The following DAPP1 variants were observed in gnomAD, a reference collection of about 807,000 sequenced individuals.
The protein encoded by DAPP1 is dual adapter for phosphotyrosine and 3-phosphotyrosine and 3-phosphoinositide.
A neutral mutation model predicts 41.5 loss-of-function variants in DAPP1; 20 were observed. The ratio of observed to expected loss-of-function variants is 0.48; its 90% CI spans 0.34 to 0.70. The LOEUF is 0.70. Ranked by LOEUF, DAPP1 falls within the 30% of genes least tolerant of loss-of-function variation. The pLI is 0.01. For synonymous variants in DAPP1, 113 were observed against 116.2 expected (o/e 0.97, Z 0.18); for missense variants, 233 against 333.4 (o/e 0.70, Z 2.35).
chr4:99,836,323 C>T (rs1445587413), intron 2 of DAPP1, among the ~76,000 whole-genome samples: 1 of 152,214 alleles, frequency 6.6e-6, no homozygotes, highest in Non-Finnish European at 1.5e-5. Flanking sequence ...TCCTCCCCAC[C>T]TCACACCCCC....
chr4:99,850,636 C>G (rs1723822349), intron 3 of DAPP1, among the ~76,000 whole-genome samples: 2 of 152,162 alleles, frequency 1.3e-5, no homozygotes, highest in African/African-American at 4.8e-5. Context: ...CCCCTCTCCT[C>G]TTCTGTAAGG....
At chr4:99,852,595 G>A (rs1723902574) in intron 3 of DAPP1, among the ~76,000 whole-genome samples, 1 of 152,262 alleles carries the variant, frequency 6.6e-6, no homozygotes, top group South Asian at 2.1e-4. Flanking sequence ...GCTTGTTCAG[G>A]TCATGTTCAC....
chr4:99,866,471 A>G (rs1275767734), intron 8 of DAPP1: 4 of 748,182 alleles, frequency 5.3e-6, no homozygotes, highest in Non-Finnish European at 9.8e-6. Flanking sequence ...ATACTTCTCT[A>G]GTTGAAAAGC....
intron 3 of DAPP1, among the ~76,000 whole-genome samples, chr4:99,841,716 G>C (rs1309517128): frequency 6.6e-6 from 1 of 152,172 alleles, no homozygotes; most frequent in Non-Finnish European, 1.5e-5. Context: ...GATTTTTAAA[G>C]CCAGGGTTTT....
chr4:99,861,653 A>G, intron 5 of DAPP1, 28 bp downstream of exon 5: 2 of 1,560,740 alleles, frequency 1.3e-6, no homozygotes, highest in Non-Finnish European at 8.7e-7. Flanking sequence ...TGCTCATGCC[A>G]GCCACAGAAA....
intron 3 of DAPP1, among the ~76,000 whole-genome samples, chr4:99,846,966 C>T (rs1001133350): frequency 6.6e-6 from 1 of 152,204 alleles, no homozygotes; most frequent in Non-Finnish European, 1.5e-5. Flanking sequence ...AAGAAATCTA[C>T]TTCTCATTGG....
At chr4:99,858,783 G>A (rs527357466) in intron 4 of DAPP1, among the ~76,000 whole-genome samples, 63 of 152,038 alleles carry the variant, frequency 4.1e-4, no homozygotes, top group Non-Finnish European at 6.0e-4. Flanking sequence ...ATATCAAATG[G>A]TTATAATCAT....
intron 3 of DAPP1, 125 bp from the exon 4 acceptor site, chr4:99,853,093 A>G: frequency 9.4e-7 from 1 of 1,060,018 alleles, no homozygotes; most frequent in Non-Finnish European, 1.3e-6. Context: ...AACTGTTGAG[A>G]TAATGAGCGA....
At chr4:99,870,456 A>T (rs939245597), downstream of DAPP1, among the ~76,000 whole-genome samples, 2 of 152,268 alleles carry the variant, frequency 1.3e-5, no homozygotes, top group Non-Finnish European at 2.9e-5. Context: ...AGGGGATACA[A>T]CAATTTGTTG....
intron 4 of DAPP1, among the ~76,000 whole-genome samples, chr4:99,858,890 A>G (rs959924709): frequency 6.0e-5 from 9 of 150,714 alleles, no homozygotes; most frequent in Non-Finnish European, 1.2e-4. Context: ...TATGACCTCA[A>G]AAAAAATTTT....
intron 1 of DAPP1, among the ~76,000 whole-genome samples, chr4:99,827,896 A>T (rs150683866): frequency 6.3e-4 from 96 of 152,348 alleles, no homozygotes; most frequent in Non-Finnish European, 9.7e-4. Context: ...AAGAAGGTGC[A>T]TTCTAAATGC....
intron 1 of DAPP1, among the ~76,000 whole-genome samples, chr4:99,821,300 G>C (rs1030162908): frequency 6.6e-6 from 1 of 152,170 alleles, no homozygotes; most frequent in Non-Finnish European, 1.5e-5. Context: ...TTTCATAGAC[G>C]CAAAAGGTGA....
chr4:99,866,771 T>C (rs1578195359), intron 8 of DAPP1, among the ~76,000 whole-genome samples: 2 of 146,080 alleles, frequency 1.4e-5, no homozygotes, highest in African/African-American at 5.1e-5. Context: ...TTTCTATTTT[T>C]TTTTTTTTTT....
chr4:99,817,792 G>C (rs1425563917), intron 1 of DAPP1, among the ~76,000 whole-genome samples: 1 of 152,214 alleles, frequency 6.6e-6, no homozygotes, highest in Non-Finnish European at 1.5e-5. Flanking sequence ...AATGAAGGTG[G>C]CTTTGACACC....
chr4:99,839,365 A>ATC (rs1723415265), intron 2 of DAPP1, among the ~76,000 whole-genome samples: 1 of 142,646 alleles, frequency 7.0e-6, no homozygotes, highest in African/African-American at 2.7e-5. Context: ...ATATATAGAT[A>ATC]TATATAGATA....
rs892393100 is a variant in DAPP1 at position 99,869,877 on chromosome 4, C to T, written c.*1692C>T. 7 of 152,114 alleles carry T rather than the reference C, an allele frequency of 4.6e-5. No homozygotes were observed. The highest frequency in any genetic ancestry group is 5.9e-5 in the Non-Finnish European group (4 of 68,034). The allele number at this position is 152,114 out of a possible 1,614,324, so 9.4% of individuals were successfully genotyped here. A position where few individuals can be genotyped will look rare whatever the true frequency, so the allele number is the denominator to read the frequency against. ...CCCGGGAGGTGGAGGTTGCAGTGAA[C>T]CAAGATCGCGGCGCTGCACTCTAGC... On this transcript the variant is annotated 3_prime_UTR_variant, in exon 9 of 9. Coordinates refer to ENST00000512369, the MANE Select transcript of DAPP1 (RefSeq NM_014395.3).
intron 1 of DAPP1, among the ~76,000 whole-genome samples, chr4:99,820,657 G>C (rs989452112): frequency 6.6e-6 from 1 of 152,156 alleles, no homozygotes; most frequent in African/African-American, 2.4e-5. Flanking sequence ...GTTTAGAGTA[G>C]ACCATGGAGC....
At chr4:99,836,838 T>A (rs1723319011) in intron 2 of DAPP1, among the ~76,000 whole-genome samples, 1 of 152,224 alleles carries the variant, frequency 6.6e-6, no homozygotes, top group Admixed American at 6.5e-5. Flanking sequence ...CTGTCCAGGA[T>A]CCTACCAGGC....
intron 2 of DAPP1, among the ~76,000 whole-genome samples, chr4:99,836,917 C>A (rs964530615): frequency 2.0e-5 from 3 of 152,136 alleles, no homozygotes; most frequent in Non-Finnish European, 2.9e-5. Context: ...TTCATTTTCT[C>A]CTTTCCTCTT....
Sources: allele counts gnomAD v4.1 joint callset (sites outside exome capture counted in the v4.1 genomes callset), GRCh38; gene constraint gnomAD v4.1.1; transcripts MANE v1.5; gene names NCBI Gene and HGNC (gene_info 2026-07-23, HGNC 2026-07-21).